The following EPHA6 variants were observed in gnomAD, a reference collection of about 807,000 sequenced individuals.
EPHA6 encodes the protein EPH receptor A6.
In EPHA6, 50 loss-of-function variants were observed where a neutral mutation model predicts 112.0. That is an observed-to-expected ratio of 0.45 (90% CI 0.36 to 0.56). The LOEUF is 0.56. EPHA6 is among the 20% of genes least tolerant of loss of function. The pLI is 0.00. For missense variants in EPHA6, 1,280 were observed against 1,417.4 expected, an observed-to-expected ratio of 0.90 and a Z score of 1.56; for synonymous variants, 529 against 490.7, an observed-to-expected ratio of 1.08 and a Z score of -1.03.
intron 5 of EPHA6, among the ~76,000 whole-genome samples, chr3:97,377,574 G>A (rs747489972): frequency 2.0e-5 from 3 of 152,172 alleles, no homozygotes; most frequent in Non-Finnish European, 4.4e-5. Context: ...AAAAATATGG[G>A]AGAGTTTGGA....
At chr3:97,566,472 T>C (rs2107194734) in intron 11 of EPHA6, among the ~76,000 whole-genome samples, 1 of 152,358 alleles carries the variant, frequency 6.6e-6, no homozygotes, top group East Asian at 1.9e-4. Flanking sequence ...CATATACTTG[T>C]TGCTAATGCT....
At chr3:97,357,131 C>A (rs1042128150) in intron 5 of EPHA6, among the ~76,000 whole-genome samples, 5 of 152,226 alleles carry the variant, frequency 3.3e-5, no homozygotes, top group African/African-American at 1.2e-4. Context: ...CATGGAATAT[C>A]TTTTTCCATC....
intron 2 of EPHA6, among the ~76,000 whole-genome samples, chr3:96,877,000 T>G (rs2037000191): frequency 6.6e-6 from 1 of 152,116 alleles, no homozygotes; most frequent in African/African-American, 2.4e-5. Context: ...TTGGGTGTTG[T>G]GTCTCTGGGT....
chr3:96,853,286 C>A (rs2035504065), intron 1 of EPHA6, among the ~76,000 whole-genome samples: 1 of 151,956 alleles, frequency 6.6e-6, no homozygotes, highest in Non-Finnish European at 1.5e-5. Context: ...TATATGAAAA[C>A]CCAACCAAAT....
chr3:97,109,675 T>C (rs576712704), intron 3 of EPHA6, among the ~76,000 whole-genome samples: 43 of 152,102 alleles, frequency 2.8e-4, no homozygotes, highest in Non-Finnish European at 5.4e-4. Context: ...GATGGAGATG[T>C]CAAGAAGATG....
intron 6 of EPHA6, among the ~76,000 whole-genome samples, chr3:97,433,448 A>G (rs1000636442): frequency 2.4e-4 from 36 of 152,168 alleles, no homozygotes; most frequent in African/African-American, 8.4e-4. Context: ...TAATGAACCA[A>G]CAGGAGAGTT....
At chr3:96,817,257 GATA>G (rs2032872983) in intron 1 of EPHA6, among the ~76,000 whole-genome samples, 1 of 151,820 alleles carries the variant, frequency 6.6e-6, no homozygotes, top group South Asian at 2.1e-4. Context: ...AATTTTTCCT[GATA>G]ATAAGTTGAG....
intron 3 of EPHA6, among the ~76,000 whole-genome samples, chr3:96,992,993 T>C (rs754083244): frequency 3.9e-5 from 6 of 152,214 alleles, no homozygotes; most frequent in Admixed American, 6.5e-5. Context: ...AATCACATGA[T>C]GTGAATGATC....
intron 11 of EPHA6, among the ~76,000 whole-genome samples, chr3:97,568,741 A>G (rs1270311246): frequency 6.6e-6 from 1 of 152,200 alleles, no homozygotes; most frequent in East Asian, 1.9e-4. Flanking sequence ...ACACTTGTTA[A>G]AGATGGTGAG....
chr3:96,859,522 C>T (rs545029670), intron 1 of EPHA6, among the ~76,000 whole-genome samples: 2 of 152,024 alleles, frequency 1.3e-5, no homozygotes, highest in Non-Finnish European at 2.9e-5. Flanking sequence ...ACTGGGATTA[C>T]AGGCACACAC....
intron 14 of EPHA6, among the ~76,000 whole-genome samples, chr3:97,655,412 C>T (rs946691855): frequency 1.3e-5 from 2 of 151,670 alleles, no homozygotes; most frequent in Non-Finnish European, 2.9e-5. Flanking sequence ...CAATGGATAT[C>T]GGCAGTTGAA....
rs2036146765 is a variant in EPHA6, at chr3:97,760,859, T to C, written c.*12158T>C. ...ATTTTTAAAGCATCATTGTAACTTG[T>C]CATGAAGCTATTTATTATTAATTAA... On this transcript the variant is annotated 3_prime_UTR_variant, in exon 18 of 18. Transcript: ENST00000389672. 1 of 188,668 alleles carries C rather than the reference T, an allele frequency of 5.3e-6. No homozygotes were observed. 11.7% of individuals were successfully genotyped at this position (188,668 alleles called of 1,614,324 possible).
intron 13 of EPHA6, among the ~76,000 whole-genome samples, chr3:97,637,386 T>C (rs301935): frequency 0.054 from 8,255 of 152,248 alleles, 286 homozygotes; most frequent in Admixed American, 0.074. Context: ...ATCACTTTTT[T>C]TTTCCTGAGT....
intron 13 of EPHA6, among the ~76,000 whole-genome samples, chr3:97,615,752 A>G (rs1000116928): frequency 6.6e-6 from 1 of 151,846 alleles, no homozygotes; most frequent in Non-Finnish European, 1.5e-5. Context: ...ATTCCTCCTC[A>G]CTGGTGGGGC....
At chr3:97,183,347 T>A (rs2077041529) in intron 3 of EPHA6, among the ~76,000 whole-genome samples, 2 of 152,098 alleles carry the variant, frequency 1.3e-5, no homozygotes, top group Non-Finnish European at 2.9e-5. Context: ...TAAATACAAA[T>A]TAAAATGATG....
At chr3:97,177,223 A>T (rs1034815081) in intron 3 of EPHA6, among the ~76,000 whole-genome samples, 2 of 151,900 alleles carry the variant, frequency 1.3e-5, no homozygotes, top group East Asian at 3.9e-4. Context: ...GTTATATTAC[A>T]TTGTGGTCAG....
chr3:97,600,869 A>G (rs2093637844), intron 12 of EPHA6, among the ~76,000 whole-genome samples: 1 of 151,286 alleles, frequency 6.6e-6, no homozygotes, highest in East Asian at 1.9e-4. Context: ...GAGAATTTCT[A>G]TTTTTCTCCT....
chr3:97,698,846 C>T (rs1336727277), intron 14 of EPHA6, among the ~76,000 whole-genome samples: 1 of 152,142 alleles, frequency 6.6e-6, no homozygotes. Flanking sequence ...ATTTTTGTAT[C>T]CACAAGTCCT....
chr3:97,228,299 C>A (rs549969284), intron 4 of EPHA6, among the ~76,000 whole-genome samples: 1 of 152,178 alleles, frequency 6.6e-6, no homozygotes, highest in Middle Eastern at 3.4e-3. Context: ...AATGTGTAGT[C>A]TTTTATCACT....
Sources: allele counts gnomAD v4.1 joint callset (sites outside exome capture counted in the v4.1 genomes callset), GRCh38; gene constraint gnomAD v4.1.1; transcripts MANE v1.5; gene names NCBI Gene and HGNC (gene_info 2026-07-23, HGNC 2026-07-21).